GPR89A: variants seen among roughly 807,000 people sequenced by gnomAD.
GPR89A encodes G protein-coupled receptor 89A.
A neutral mutation model predicts 52.0 loss-of-function variants in GPR89A; 16 were observed. The observed-to-expected ratio is 0.31, with a 90% CI of 0.21 to 0.47. The LOEUF (loss-of-function observed/expected upper bound fraction) is 0.47. GPR89A is among the 20% of genes least tolerant of loss of function. The pLI is 1.00. For synonymous variants in GPR89A, 55 were observed against 150.9 expected (o/e 0.36, Z 4.66); for missense variants, 135 against 449.4 (o/e 0.30, Z 6.33).
intron 8 of GPR89A, chr1:145,645,469 T>G (rs1276996076): frequency 2.4e-6 from 1 of 410,270 alleles, no homozygotes; most frequent in Admixed American, 2.9e-5. Flanking sequence ...ATATCAGGAT[T>G]ATTTAACCTC....
chr1:145,617,791 T>A (rs1306462622), intron 2 of GPR89A, among the ~76,000 whole-genome samples: 1 of 152,168 alleles, frequency 6.6e-6, no homozygotes, highest in Non-Finnish European at 1.5e-5. Flanking sequence ...TCCTAGTTAG[T>A]TCTCCTAATT....
At chr1:145,654,551 T>TAA (rs1553694189) in intron 10 of GPR89A, among the ~76,000 whole-genome samples, 1 of 107,238 alleles carries the variant, frequency 9.3e-6, no homozygotes, top group Non-Finnish European at 1.8e-5. Context: ...AGAATCCATC[T>TAA]ACAAAAAAAA....
intron 3 of GPR89A, among the ~76,000 whole-genome samples, chr1:145,619,361 G>A (rs1553687643): frequency 6.7e-6 from 1 of 148,944 alleles, no homozygotes; most frequent in Non-Finnish European, 1.5e-5. Context: ...TATAATCCTA[G>A]CACTTTGGGA....
At chr1:145,663,546 T>C (rs1474846640) in intron 11 of GPR89A, 122 bp downstream of exon 11, 2 of 770,258 alleles carry the variant, frequency 2.6e-6, no homozygotes, top group Non-Finnish European at 4.1e-6. Flanking sequence ...CTTCCCACTC[T>C]GTATATTTTG....
intron 1 of GPR89A, among the ~76,000 whole-genome samples, chr1:145,608,963 A>C (rs1553685619): frequency 6.6e-6 from 1 of 151,904 alleles, no homozygotes. Flanking sequence ...CCTAGCATTC[A>C]TCATAGCACT....
intron 10 of GPR89A, among the ~76,000 whole-genome samples, chr1:145,659,373 G>C (rs1652031656): frequency 6.6e-6 from 1 of 151,602 alleles, no homozygotes; most frequent in South Asian, 2.1e-4. Flanking sequence ...TTTTAGTAGA[G>C]ACAGGGTTTC....
At chr1:145,638,174 TAAAATA>T (rs1330626812) in intron 7 of GPR89A, among the ~76,000 whole-genome samples, 1 of 147,682 alleles carries the variant, frequency 6.8e-6, no homozygotes, top group African/African-American at 2.6e-5. Context: ...TCTCAAAACA[TAAAATA>T]AAAATAAAAA....
chr1:145,667,164 G>A (rs1652624946), intron 12 of GPR89A, among the ~76,000 whole-genome samples: 3 of 152,122 alleles, frequency 2.0e-5, no homozygotes, highest in Admixed American at 6.6e-5. Context: ...TTGCCACACT[G>A]CCTTCCACAA....
intron 7 of GPR89A, among the ~76,000 whole-genome samples, chr1:145,637,826 A>C (rs1227109801): frequency 2.6e-5 from 4 of 152,186 alleles, no homozygotes; most frequent in Admixed American, 6.5e-5. Flanking sequence ...AGAAATAAAA[A>C]TTTTACTAGG....
intron 9 of GPR89A, chr1:145,646,672 G>A: frequency 4.3e-6 from 1 of 232,242 alleles, no homozygotes; most frequent in Non-Finnish European, 8.3e-6. Flanking sequence ...GTCAATAAGT[G>A]TCGAAACTGT....
chr1:145,641,418 AT>A (rs1650646816), intron 7 of GPR89A, among the ~76,000 whole-genome samples: 1 of 151,664 alleles, frequency 6.6e-6, no homozygotes, highest in African/African-American at 2.4e-5. Flanking sequence ...AATGTCCCGT[AT>A]TGTGACTCTA....
At chr1:145,664,902 CA>C (rs1488458696) in intron 11 of GPR89A, among the ~76,000 whole-genome samples, 1 of 150,742 alleles carries the variant, frequency 6.6e-6, no homozygotes, top group Non-Finnish European at 1.5e-5. Flanking sequence ...CACAGGGTCC[CA>C]AAACTCCTTC....
chr1:145,668,725 T>TA (rs1652741587), intron 12 of GPR89A, among the ~76,000 whole-genome samples: 2 of 152,152 alleles, frequency 1.3e-5, no homozygotes, highest in African/African-American at 2.4e-5. Flanking sequence ...AAATAGCTCT[T>TA]ACGATTTCGA....
intron 10 of GPR89A, among the ~76,000 whole-genome samples, chr1:145,654,709 G>A (rs587671484): frequency 1.8e-3 from 265 of 151,334 alleles, no homozygotes; most frequent in African/African-American, 5.9e-3. Flanking sequence ...CCTTCATTTC[G>A]ACCTTGGAGA....
intron 3 of GPR89A, among the ~76,000 whole-genome samples, chr1:145,621,685 T>C (rs1553688148): frequency 6.6e-6 from 1 of 151,822 alleles, no homozygotes; most frequent in African/African-American, 2.4e-5. Flanking sequence ...TATCTGATAA[T>C]GGACTGGGAC....
intron 7 of GPR89A, among the ~76,000 whole-genome samples, chr1:145,638,910 C>T (rs1650430429): frequency 6.8e-6 from 1 of 147,464 alleles, no homozygotes; most frequent in Non-Finnish European, 1.5e-5. Flanking sequence ...ATTGTTTGAG[C>T]CCAGGAGTTT....
intron 12 of GPR89A, among the ~76,000 whole-genome samples, chr1:145,667,796 C>T (rs1170916865): frequency 6.6e-6 from 1 of 152,098 alleles, no homozygotes; most frequent in Non-Finnish European, 1.5e-5. Flanking sequence ...ATATGGCTAG[C>T]CAGTTTTCCC....
intron 7 of GPR89A, among the ~76,000 whole-genome samples, chr1:145,634,584 C>G (rs1424014913): frequency 2.7e-5 from 4 of 150,634 alleles, no homozygotes; most frequent in African/African-American, 9.9e-5. Context: ...TGTATAAAAG[C>G]ATAGGCTCTG....
At chr1:145,641,941 A>G (rs587644191) in intron 7 of GPR89A, among the ~76,000 whole-genome samples, 3 of 152,212 alleles carry the variant, frequency 2.0e-5, no homozygotes, top group South Asian at 4.1e-4. Flanking sequence ...TTTTTCATCT[A>G]CAACTTATTT....
Sources: gnomAD v4.1 joint callset for allele counts (sites outside exome capture counted in the v4.1 genomes callset) on GRCh38, gnomAD v4.1.1 for gene constraint, MANE v1.5 for transcripts, NCBI Gene and HGNC (gene_info 2026-07-23, HGNC 2026-07-21) for gene names.